The following TRIM66 variants were observed in gnomAD, a reference collection of about 807,000 sequenced individuals.
TRIM66 encodes the protein tripartite motif containing 66.
TRIM66 carries 99 observed loss-of-function variants against 148.2 expected under a neutral mutation model. The ratio of observed to expected loss-of-function variants is 0.67; its 90% CI spans 0.57 to 0.79. The LOEUF (loss-of-function observed/expected upper bound fraction) is 0.79. TRIM66 is among the 30% of genes least tolerant of loss of function. TRIM66 has a pLI of 0.00. For missense variants in TRIM66, 1,666 were observed against 1,697.9 expected, an observed-to-expected ratio of 0.98 and a Z score of 0.33; for synonymous variants, 616 against 635.9, an observed-to-expected ratio of 0.97 and a Z score of 0.47.
chr11:8,667,131 A>T (rs999741033), intron 6 of TRIM66, among the ~76,000 whole-genome samples: 2 of 152,128 alleles, frequency 1.3e-5, no homozygotes, highest in Non-Finnish European at 2.9e-5. Context: ...CATTAATATG[A>T]ATTTAATGTT....
chr11:8,680,411 G>A (rs2039355964), intron 1 of TRIM66, among the ~76,000 whole-genome samples: 1 of 152,100 alleles, frequency 6.6e-6, no homozygotes, highest in African/African-American at 2.4e-5. Context: ...AAAGGAAGGT[G>A]TTGTAAACTC....
intron 6 of TRIM66, among the ~76,000 whole-genome samples, chr11:8,661,722 T>C (rs2038269440): frequency 6.6e-6 from 1 of 152,176 alleles, no homozygotes; most frequent in Non-Finnish European, 1.5e-5. Context: ...CTCCTGATGC[T>C]TCATCTATGC....
rs566291497 is a variant in TRIM66 at position 8,656,311 on chromosome 11, ATAT to A, written c.341-4411_341-4409del. Among the ~76,000 whole-genome samples the A allele has an allele frequency of 7.9e-5, 12 of 152,338 alleles. No homozygotes were observed. In the South Asian group the frequency reaches 2.5e-3, roughly 32 times the overall value. On this transcript the variant is annotated intron_variant, in intron 6 of 24. Transcript: ENST00000646038. ...ATATTTAAATCACACTGCACATAAAATATTATTTAGATATCATGCTTTTTTCTA... is the reference window on the plus strand; with the variant it reads ...ATATTTAAATCACACTGCACATAAAATATTTAGATATCATGCTTTTTTCTA...
chr11:8,634,128 G>A (rs983202642), intron 15 of TRIM66, among the ~76,000 whole-genome samples: 9 of 152,120 alleles, frequency 5.9e-5, no homozygotes, highest in Admixed American at 2.0e-4. Flanking sequence ...ACTGGGACCC[G>A]GATAGGGCTT....
chr11:8,621,884 G>C lies in TRIM66; in HGVS notation c.3081-65C>G, dbSNP rs549723728. On this transcript the variant is annotated intron_variant, in intron 18 of 24. Coordinates refer to ENST00000646038, the MANE Select transcript of TRIM66 (RefSeq NM_001388022.1). ...TCCTCTGGTCCCAACCTCTAAGTCAGAAACATCCATGATCCCTGTGATGAT... is the reference window on the plus strand; with the variant it reads ...TCCTCTGGTCCCAACCTCTAAGTCACAAACATCCATGATCCCTGTGATGAT... 4.2e-6 allele frequency: 6 copies of C among 1,413,934 alleles called. No homozygotes were observed. In the African/African-American group the frequency reaches 7.2e-5, roughly 17 times the overall value. 87.6% of individuals were successfully genotyped at this position (1,413,934 alleles called of 1,614,324 possible).
In TRIM66 at chr11:8,624,884, CATT is replaced by C; in HGVS notation, c.2652_2654del (p.Met885del). The C allele has an allele frequency of 1.9e-6, 3 of 1,551,698 alleles. No individual in the cohort carries two copies. Among genetic ancestry groups the C allele is most frequent in the Non-Finnish European group, 2.6e-6 (3 of 1,146,960 alleles). On this transcript the variant is annotated inframe_deletion, in exon 16 of 25. Coordinates refer to ENST00000646038, the MANE Select transcript of TRIM66 (RefSeq NM_001388022.1). ...TCGGCACAGCCTGGGTGTGACCAGA[CATT>C]AGGCTGGGCCCAGCCTGAGGGTGAT...
At chr11:8,661,647 T>C (rs2038264209) in intron 6 of TRIM66, among the ~76,000 whole-genome samples, 5 of 152,108 alleles carry the variant, frequency 3.3e-5, no homozygotes, top group Admixed American at 3.3e-4. Context: ...AGGAGCTGGA[T>C]TTTTTTCCTG....
intron 6 of TRIM66, among the ~76,000 whole-genome samples, chr11:8,662,311 C>T (rs1049463782): frequency 6.6e-6 from 1 of 152,234 alleles, no homozygotes; most frequent in Non-Finnish European, 1.5e-5. Context: ...AGAACCCCTG[C>T]AGCTGAGCTG....
upstream of TRIM66, chr11:8,682,909 T>C: frequency 6.8e-7 from 1 of 1,473,826 alleles, no homozygotes; most frequent in Non-Finnish European, 9.2e-7. Flanking sequence ...CCTACCATGG[T>C]CGGGGCTTCC....
chr11:8,683,172 A>C, upstream of TRIM66: 1 of 1,611,184 alleles, frequency 6.2e-7, no homozygotes, highest in Non-Finnish European at 8.5e-7. Flanking sequence ...CTAATTCCTT[A>C]GGCCTTACCA....
chr11:8,660,781 C>A (rs1445324631), intron 6 of TRIM66, among the ~76,000 whole-genome samples: 2 of 152,182 alleles, frequency 1.3e-5, no homozygotes, highest in Non-Finnish European at 2.9e-5. Flanking sequence ...TGGGTCACAT[C>A]TGAGCTGGAC....
At position 8,640,468 on chromosome 11, in the gene TRIM66, C is replaced by A. The variant is rs1224396123; in HGVS notation, c.1907G>T (p.Ser636Ile). 1 of 1,546,898 alleles carries A rather than the reference C, an allele frequency of 6.5e-7. No individual in the cohort carries two copies. Among genetic ancestry groups the A allele is most frequent in the Non-Finnish European group, 8.7e-7 (1 of 1,146,098 alleles). Residue 636 changes from serine (S) to isoleucine (I), a missense_variant, in exon 14 of 25, where the codon AGT becomes ATT. Around this residue, in one of 3 missense-constraint regions of TRIM66, gnomAD observed 1,431 missense variants for 1,412.4 expected, o/e 1.01. Coordinates refer to ENST00000646038, the MANE Select transcript of TRIM66 (RefSeq NM_001388022.1). ...AGGGCCAGGAGGGCTCTCGTGCTGA[C>A]TAGAAGCCAGATGCTGGGATGGAGG... Reference protein sequence around the residue: ...PLPPSQHLASSQHESPPGPAC... With the variant: ...PLPPSQHLASIQHESPPGPAC...
intron 14 of TRIM66, 23 bp downstream of exon 14, chr11:8,640,204 C>G: frequency 6.5e-7 from 1 of 1,545,060 alleles, no homozygotes; most frequent in Non-Finnish European, 8.7e-7. Context: ...AGAATATGCA[C>G]GCCAAGCCAC....
At chr11:8,683,007 G>T (rs780156130), upstream of TRIM66, 3 of 879,110 alleles carry the variant, frequency 3.4e-6, no homozygotes, top group Admixed American at 2.8e-5. Context: ...CCGCGGTTCG[G>T]ATCTCTAGGA....
intron 15 of TRIM66, among the ~76,000 whole-genome samples, chr11:8,627,464 C>A (rs2034963536): frequency 6.6e-6 from 1 of 152,100 alleles, no homozygotes; most frequent in Non-Finnish European, 1.5e-5. Flanking sequence ...TCACAATAAC[C>A]ATTAAAGGTT....
At chr11:8,652,180 G>C (rs2037416633) in intron 6 of TRIM66, among the ~76,000 whole-genome samples, 1 of 151,764 alleles carries the variant, frequency 6.6e-6, no homozygotes, top group African/African-American at 2.4e-5. Context: ...TGCTACTACA[G>C]GCCCAACGCT....
intron 12 of TRIM66, among the ~76,000 whole-genome samples, chr11:8,643,593 C>G (rs1160575653): frequency 6.6e-6 from 1 of 152,098 alleles, no homozygotes; most frequent in Non-Finnish European, 1.5e-5. Flanking sequence ...CTGCCCACCT[C>G]GGCCTCCCAA....
rs182682954 is a variant in TRIM66, at chr11:8,677,469, T to C, written c.-190+2151A>G. 1.9e-3 allele frequency among the ~76,000 whole-genome samples: 290 copies of C among 152,282 alleles called. 1 individual carries two copies. Among genetic ancestry groups the C allele is most frequent in the African/African-American group, 6.7e-3 (280 of 41,540 alleles). On this transcript the variant is annotated intron_variant, in intron 3 of 24. Coordinates refer to ENST00000646038, the MANE Select transcript of TRIM66 (RefSeq NM_001388022.1). ...AAGAGAACATGCTATTTGTTCAATA[T>C]AATTCAGTGAGTAAAAACAGAACTA...
chr11:8,673,831 T>C (rs2039056593), intron 4 of TRIM66, among the ~76,000 whole-genome samples: 1 of 152,266 alleles, frequency 6.6e-6, no homozygotes, highest in Non-Finnish European at 1.5e-5. Flanking sequence ...ACAAATCATT[T>C]AATTCAAATC....
Sources: gnomAD v4.1 joint callset for allele counts (sites outside exome capture counted in the v4.1 genomes callset) on GRCh38, gnomAD v4.1.1 for gene constraint, gnomAD v4.1.1 regional missense constraint, MANE v1.5 for transcripts, NCBI Gene and HGNC (gene_info 2026-07-23, HGNC 2026-07-21) for gene names.